Variants in NKIRAS1 observed in about 807,000 individuals in gnomAD.
The protein encoded by NKIRAS1 is NF-kappa-B inhibitor-interacting Ras-like protein 1.
In NKIRAS1, 16 loss-of-function variants were observed where a neutral mutation model predicts 19.8. The ratio of observed to expected loss-of-function variants is 0.81; its 90% CI spans 0.55 to 1.23. The LOEUF is 1.23. NKIRAS1 is among the 50% of genes most tolerant of loss of function. The pLI is 0.00. For missense variants in NKIRAS1, 184 were observed against 220.0 expected, an observed-to-expected ratio of 0.84 and a Z score of 1.04; for synonymous variants, 88 against 79.0, an observed-to-expected ratio of 1.11 and a Z score of -0.61.
chr3:23,917,144 C>T (rs964035352), upstream of NKIRAS1: 3 of 153,032 alleles, frequency 2.0e-5, no homozygotes, highest in Admixed American at 6.5e-5. Context: ...GAGTACAGCT[C>T]TTTCCTTTCC....
intron 1 of NKIRAS1, among the ~76,000 whole-genome samples, chr3:23,914,810 C>T (rs956560968): frequency 6.6e-6 from 1 of 152,220 alleles, no homozygotes; most frequent in Admixed American, 6.5e-5. Flanking sequence ...ATTATTCACA[C>T]TACTAGAATT....
Position 23,890,968 on chromosome 3 carries a change from A to T in NKIRAS1, c.*2127T>A, listed in dbSNP as rs1379332749. On this transcript the variant is annotated 3_prime_UTR_variant, in exon 5 of 5. Transcript: ENST00000425478. ...ATGTAAAGTCCCTCTAAGACTACAT[A>T]CTTTTTGTTTAAAACAAAATTGGAA... 6.2e-6 allele frequency: 1 copy of T among 160,064 alleles called. No homozygotes were observed. Among genetic ancestry groups the T allele is most frequent in the African/African-American group, 2.4e-5 (1 of 41,828 alleles). The allele number at this position is 160,064 out of a possible 1,614,324, so 9.9% of individuals were successfully genotyped here.
chr3:23,918,076 G>T (rs774223746), upstream of NKIRAS1: 1 of 1,576,128 alleles, frequency 6.3e-7, no homozygotes. Context: ...TTATATTCGA[G>T]AAAAGTTGGA....
At chr3:23,909,954 A>G (rs147692165) in intron 3 of NKIRAS1, among the ~76,000 whole-genome samples, 376 of 147,060 alleles carry the variant, frequency 2.6e-3, no homozygotes, top group African/African-American at 9.0e-3. Flanking sequence ...TGCCTGTCAC[A>G]TTCAAGCGAT....
At chr3:23,901,307 T>G (rs952403218) in intron 3 of NKIRAS1, among the ~76,000 whole-genome samples, 3 of 151,780 alleles carry the variant, frequency 2.0e-5, no homozygotes, top group Non-Finnish European at 4.4e-5. Flanking sequence ...GCCTCCCAAG[T>G]AGTCCCTCCC....
chr3:23,937,348 A>G (rs996083552), intron 1 of NKIRAS1, among the ~76,000 whole-genome samples: 1 of 152,160 alleles, frequency 6.6e-6, no homozygotes, highest in Non-Finnish European at 1.5e-5. Context: ...AGAAAAAGAA[A>G]AAAAGAAAAG....
At chr3:23,914,973 C>G (rs1704177279) in intron 1 of NKIRAS1, among the ~76,000 whole-genome samples, 1 of 152,202 alleles carries the variant, frequency 6.6e-6, no homozygotes, top group African/African-American at 2.4e-5. Flanking sequence ...CACTACTTAC[C>G]ATTTTCATCA....
At chr3:23,928,421 T>G (rs12639120) in intron 1 of NKIRAS1, among the ~76,000 whole-genome samples, 1 of 152,072 alleles carries the variant, frequency 6.6e-6, no homozygotes, top group East Asian at 1.9e-4. Flanking sequence ...TCTAAATATA[T>G]AAAATGTAAT....
intron 1 of NKIRAS1, among the ~76,000 whole-genome samples, chr3:23,944,848 T>C (rs867464428): frequency 1.2e-3 from 10 of 8,422 alleles, no homozygotes; most frequent in African/African-American, 3.7e-3. Flanking sequence ...GGGGTGGGGG[T>C]GGGGGGCGCA....
intron 3 of NKIRAS1, among the ~76,000 whole-genome samples, chr3:23,906,573 CAAT>C (rs1431857949): frequency 6.6e-6 from 1 of 152,002 alleles, no homozygotes; most frequent in Non-Finnish European, 1.5e-5. Flanking sequence ...CACATAAAAA[CAAT>C]GAGGATGAAG....
intron 1 of NKIRAS1, chr3:23,945,528 C>G (rs1422788366): frequency 1.0e-6 from 1 of 959,608 alleles, no homozygotes; most frequent in Non-Finnish European, 1.3e-6. Context: ...GGCGGCGGCG[C>G]TGCCCCCTCT....
At chr3:23,935,789 G>T (rs1023992627) in intron 1 of NKIRAS1, among the ~76,000 whole-genome samples, 15 of 152,056 alleles carry the variant, frequency 9.9e-5, no homozygotes, top group African/African-American at 3.6e-4. Context: ...ATTAGTAAAG[G>T]CTCATGGTCA....
intron 3 of NKIRAS1, among the ~76,000 whole-genome samples, chr3:23,908,151 G>C (rs1454359518): frequency 6.6e-6 from 1 of 152,186 alleles, no homozygotes; most frequent in Non-Finnish European, 1.5e-5. Flanking sequence ...TGATATGGAA[G>C]ACTTCCTTAG....
chr3:23,945,681 G>A (rs1384499736), intron 1 of NKIRAS1: 2 of 833,672 alleles, frequency 2.4e-6, no homozygotes, highest in Admixed American at 5.0e-5. Context: ...GGCAGGGGGT[G>A]TCCCCATGGC....
intron 1 of NKIRAS1, chr3:23,945,645 G>C: frequency 9.9e-7 from 1 of 1,006,154 alleles, no homozygotes; most frequent in Non-Finnish European, 1.2e-6. Context: ...AGCGCTCAGA[G>C]CCCGCGGGGC....
chr3:23,938,296 A>C (rs1200249398), intron 1 of NKIRAS1, among the ~76,000 whole-genome samples: 1 of 148,594 alleles, frequency 6.7e-6, no homozygotes, highest in Non-Finnish European at 1.5e-5. Flanking sequence ...TGCAGCCTCT[A>C]TCTCCCAGGC....
intron 1 of NKIRAS1, among the ~76,000 whole-genome samples, chr3:23,935,799 AGGCACAGT>A (rs1463058173): frequency 6.6e-6 from 1 of 152,062 alleles, no homozygotes; most frequent in Non-Finnish European, 1.5e-5. Flanking sequence ...GCTCATGGTC[AGGCACAGT>A]GGCTCATCAC....
At position 23,890,626 on chromosome 3, in the gene NKIRAS1, T is replaced by TA; in HGVS notation, c.*2468dup. 1 of 1,607,916 alleles carries TA rather than the reference T, an allele frequency of 6.2e-7. No individual in the cohort carries two copies. The highest frequency in any genetic ancestry group is 8.5e-7 in the Non-Finnish European group (1 of 1,176,294). ...ACATAAATTGGGGTTTCACAATTCT[T>TA]ACATTATTTGTCTGTCACAGAAGAG... On this transcript the variant is annotated 3_prime_UTR_variant, in exon 5 of 5. Coordinates refer to ENST00000425478, the MANE Select transcript of NKIRAS1 (RefSeq NM_020345.4).
At chr3:23,905,880 C>T (rs1486098068) in intron 3 of NKIRAS1, among the ~76,000 whole-genome samples, 1 of 151,732 alleles carries the variant, frequency 6.6e-6, no homozygotes, top group South Asian at 2.1e-4. Context: ...AGGGAGAGGC[C>T]GGGTGCAGTG....
Sources: gnomAD v4.1 joint callset for allele counts (sites outside exome capture counted in the v4.1 genomes callset) on GRCh38, gnomAD v4.1.1 for gene constraint, MANE v1.5 for transcripts, NCBI Gene and HGNC (gene_info 2026-07-23, HGNC 2026-07-21) for gene names.